Variants in C14orf132 observed in about 807,000 individuals in gnomAD.
The protein encoded by C14orf132 is chromosome 14 open reading frame 132.
A neutral mutation model predicts 5.8 loss-of-function variants in C14orf132; 6 were observed. That is an observed-to-expected ratio of 1.03 (90% CI 0.57 to 2.04). C14orf132 has a LOEUF of 2.04. Among genes scored for constraint, C14orf132 ranks in the 30% most tolerant of loss-of-function variants. The pLI, the probability that C14orf132 is intolerant of heterozygous loss-of-function variation, is 0.00. For synonymous variants in C14orf132, 51 were observed against 49.8 expected, an observed-to-expected ratio of 1.02 and a Z score of -0.10; for missense variants, 125 against 115.8, an observed-to-expected ratio of 1.08 and a Z score of -0.37.
chr14:96,092,215 G>T lies in C14orf132; in HGVS notation c.*5480G>T, dbSNP rs1398981432. The T allele has an allele frequency of 6.6e-6, 1 of 152,252 alleles. No homozygotes were observed. The highest frequency in any genetic ancestry group is 2.4e-5 in the African/African-American group (1 of 41,448). The allele number at this position is 152,252 out of a possible 1,614,324, so 9.4% of individuals were successfully genotyped here. On this transcript the variant is annotated 3_prime_UTR_variant, in exon 2 of 2. Coordinates refer to ENST00000555004, the MANE Select transcript of C14orf132 (RefSeq NM_001252507.3). ...CATTGGTCCTCGGAGAGGCTGCGTAGGTGGTGCGGTCCCCGGGGGATTCTG... is the reference window on the plus strand; with the variant it reads ...CATTGGTCCTCGGAGAGGCTGCGTATGTGGTGCGGTCCCCGGGGGATTCTG...
rs144443513 is a variant in C14orf132, at chr14:96,080,626, C to T, written c.28-5885C>T. On this transcript the variant is annotated intron_variant, in intron 1 of 1. Coordinates refer to ENST00000555004, the MANE Select transcript of C14orf132 (RefSeq NM_001252507.3). ...TGGAGCTTAGGGGAGATTTATATAACGGTCACCTCCTTAGTAGGAACAGGT... is the reference window on the plus strand; with the variant it reads ...TGGAGCTTAGGGGAGATTTATATAATGGTCACCTCCTTAGTAGGAACAGGT... 1.3e-3 allele frequency among the ~76,000 whole-genome samples: 192 copies of T among 152,298 alleles called. 1 individual carries two copies. Among genetic ancestry groups the T allele is most frequent in the African/African-American group, 4.0e-3 (168 of 41,564 alleles).
At chr14:96,069,183 A>ATATATATATATATGTATATATATATG (rs372630503) in intron 1 of C14orf132, among the ~76,000 whole-genome samples, 1 of 134,268 alleles carries the variant, frequency 7.4e-6, no homozygotes, top group Admixed American at 7.7e-5. Context: ...ATATATGTAT[A>ATATATATATATATGTATATATATATG]TATATATATA....
chr14:96,039,405 C>G lies in C14orf132; in HGVS notation c.-96C>G. ...GAGTGCGCCGTGCGGTCTCCGGACG[C>G]TCGCTGCTCAGCCCGATCCCCGCCA... On this transcript the variant is annotated 5_prime_UTR_variant, in exon 1 of 2. Transcript: ENST00000555004. The surrounding 1 kb of genome is among the most constrained non-coding windows in gnomAD (Gnocchi z 5.3). 1.6e-6 allele frequency: 2 copies of G among 1,286,166 alleles called. No individual in the cohort carries two copies. Among genetic ancestry groups the G allele is most frequent in the Non-Finnish European group, 2.0e-6 (2 of 982,590 alleles). 79.7% of individuals were successfully genotyped at this position (1,286,166 alleles called of 1,614,324 possible).
At chr14:96,064,453 T>C (rs1887469445) in intron 1 of C14orf132, among the ~76,000 whole-genome samples, 1 of 151,256 alleles carries the variant, frequency 6.6e-6, no homozygotes, top group Non-Finnish European at 1.5e-5. Context: ...TATATATGTG[T>C]ATATGTATGT....
At position 96,086,720 on chromosome 14, in the gene C14orf132, T is replaced by G. The variant is rs752606471; in HGVS notation, c.237T>G (p.Tyr79Ter). 1.3e-6 allele frequency: 2 copies of G among 1,536,112 alleles called. No homozygotes were observed. The highest frequency in any genetic ancestry group is 1.7e-6 in the Non-Finnish European group (2 of 1,146,896). Residue 79 changes from tyrosine (Y) to a stop codon, truncating the protein, a stop_gained, in exon 2 of 2, where the codon TAT (tyrosine) becomes TAG (stop). Coordinates refer to ENST00000555004, the MANE Select transcript of C14orf132 (RefSeq NM_001252507.3). LOFTEE classifies it high-confidence loss of function. The part of the protein sequence containing the change: ...LGNIVVVGVV[Y>*]AFTF ...ACATCGTGGTGGTGGGCGTGGTGTATGCCTTCACCTTCTGAGGACGGCACA... is the reference window on the plus strand; with the variant it reads ...ACATCGTGGTGGTGGGCGTGGTGTAGGCCTTCACCTTCTGAGGACGGCACA...
In C14orf132 at chr14:96,090,577, T is replaced by G. The variant is rs2093722; in HGVS notation, c.*3842T>G. ...CGCAGCTCTTCCTACTCCAAGCCAA[T>G]GCTGTCCTTCCCCTTTCCCATGAAA... On this transcript the variant is annotated 3_prime_UTR_variant, in exon 2 of 2. Transcript: ENST00000555004. The G allele has an allele frequency of 5.0e-5, 23 of 455,624 alleles. No individual in the cohort carries two copies. In the Admixed American group the frequency reaches 5.4e-4, roughly 11 times the overall value. 28.2% of individuals were successfully genotyped at this position (455,624 alleles called of 1,614,324 possible). A position where few individuals can be genotyped will look rare whatever the true frequency, so the allele number is the denominator to read the frequency against.
intron 1 of C14orf132, among the ~76,000 whole-genome samples, chr14:96,049,841 G>T (rs1366802267): frequency 5.4e-5 from 8 of 149,440 alleles, no homozygotes; most frequent in Non-Finnish European, 1.0e-4. Flanking sequence ...AGTTAACAAG[G>T]TTTTCTTCTG....
chr14:96,052,993 A>C (rs1232225590), intron 1 of C14orf132, among the ~76,000 whole-genome samples: 1 of 152,144 alleles, frequency 6.6e-6, no homozygotes, highest in Non-Finnish European at 1.5e-5. Flanking sequence ...CTCAGAGGTA[A>C]GGTGACCAAC....
At chr14:96,045,733 G>A (rs897497846) in intron 1 of C14orf132, among the ~76,000 whole-genome samples, 9 of 152,224 alleles carry the variant, frequency 5.9e-5, no homozygotes, top group Admixed American at 2.0e-4. Context: ...ATTTTTACCA[G>A]ACCTACCAAC....
At chr14:96,041,408 T>C (rs1886691530) in intron 1 of C14orf132, among the ~76,000 whole-genome samples, 2 of 152,224 alleles carry the variant, frequency 1.3e-5, no homozygotes, top group African/African-American at 2.4e-5. Flanking sequence ...TGGGCCTGAG[T>C]ATCTGCAAAG....
In C14orf132 at chr14:96,039,932, C is replaced by T. The variant is rs1397257447; in HGVS notation, c.27+405C>T. On this transcript the variant is annotated intron_variant, in intron 1 of 1. Coordinates refer to ENST00000555004, the MANE Select transcript of C14orf132 (RefSeq NM_001252507.3). This position sits in a 1 kb window ranked among gnomAD's most constrained non-coding sequence, Gnocchi z 5.3. ...ATGGGCACACAGTCTCGCCCTTCCC[C>T]ACTCTGTTTTCCCGAGGCGCCAGTA... 1.3e-5 allele frequency among the ~76,000 whole-genome samples: 2 copies of T among 152,210 alleles called. No individual in the cohort carries two copies. Among genetic ancestry groups the T allele is most frequent in the Admixed American group, 6.5e-5 (1 of 15,292 alleles).
Position 96,049,520 on chromosome 14 carries a change from A to G in C14orf132, c.27+9993A>G, listed in dbSNP as rs530218022. Among the ~76,000 whole-genome samples the G allele has an allele frequency of 1.4e-3, 203 of 144,298 alleles. 1 individual carries two copies. Among genetic ancestry groups the G allele is most frequent in the African/African-American group, 4.9e-3 (195 of 39,552 alleles). The allele number at this position is 144,298 out of a possible 152,430, so 94.7% of individuals were successfully genotyped here. A position where few individuals can be genotyped will look rare whatever the true frequency, so the allele number is the denominator to read the frequency against. ...TACGTATATATACGTATATACGTAT[A>G]TATATACACATATATACATACGTAT... is the stretch of plus-strand genomic sequence containing the variant. On this transcript the variant is annotated intron_variant, in intron 1 of 1. Coordinates refer to ENST00000555004, the MANE Select transcript of C14orf132 (RefSeq NM_001252507.3).
intron 1 of C14orf132, among the ~76,000 whole-genome samples, chr14:96,044,132 C>T (rs1304441186): frequency 6.6e-6 from 1 of 152,220 alleles, no homozygotes; most frequent in Non-Finnish European, 1.5e-5. Context: ...TCCTCTGATC[C>T]ATCCAGGCGG....
chr14:96,086,700 G>A lies in C14orf132; in HGVS notation c.217G>A (p.Val73Met), dbSNP rs1318629538. ...CATCATAGCTACGCTGGGGAACATC[G>A]TGGTGGTGGGCGTGGTGTATGCCTT... The part of the protein sequence containing the change: ...IAIIATLGNI[V>M]VVGVVYAFTF The change falls in exon 2 of 2, where the codon GTG (valine) becomes ATG (methionine). Residue 73 changes from valine (V) to methionine (M), a missense_variant. Val to Met is a conservative substitution (Grantham distance 21, BLOSUM62 1). Transcript: ENST00000555004. The A allele has an allele frequency of 7.2e-6, 11 of 1,536,032 alleles. No homozygotes were observed. The highest frequency in any genetic ancestry group is 1.4e-5 in the African/African-American group (1 of 73,056).
At position 96,091,112 on chromosome 14, in the gene C14orf132, C is replaced by CTTA. The variant is rs1888390620; in HGVS notation, c.*4377_*4378insTTA. The stretch of plus-strand genomic sequence containing the variant: ...GGAGAAAACTGAGGCCAGGGCTGAA[C>CTTA]GCTCACAGCTAAGGAGCTGTGATTC... On this transcript the variant is annotated 3_prime_UTR_variant, in exon 2 of 2. Coordinates refer to ENST00000555004, the MANE Select transcript of C14orf132 (RefSeq NM_001252507.3). 1 of 427,556 alleles carries CTTA rather than the reference C, an allele frequency of 2.3e-6. No homozygotes were observed. The highest frequency in any genetic ancestry group is 4.7e-6 in the Non-Finnish European group (1 of 213,000). 26.5% of individuals were successfully genotyped at this position (427,556 alleles called of 1,614,324 possible).
intron 1 of C14orf132, among the ~76,000 whole-genome samples, chr14:96,058,594 C>T (rs983139918): frequency 1.3e-5 from 2 of 152,140 alleles, no homozygotes; most frequent in African/African-American, 4.8e-5. Flanking sequence ...TTTTCCCACA[C>T]AGCCAGACAC....
At chr14:96,049,797 T>A (rs1405836984) in intron 1 of C14orf132, among the ~76,000 whole-genome samples, 34 of 149,932 alleles carry the variant, frequency 2.3e-4, no homozygotes, top group African/African-American at 8.1e-4. Context: ...TCTGTTTGTG[T>A]TTTATTTGGA....
chr14:96,062,057 A>G (rs1417545354), intron 1 of C14orf132, among the ~76,000 whole-genome samples: 1 of 152,136 alleles, frequency 6.6e-6, no homozygotes, highest in Non-Finnish European at 1.5e-5. Context: ...GAGTTAGTCA[A>G]ACTTTCTGAG....
chr14:96,048,107 G>A (rs1886883713), intron 1 of C14orf132, among the ~76,000 whole-genome samples: 1 of 152,202 alleles, frequency 6.6e-6, no homozygotes, highest in Non-Finnish European at 1.5e-5. Context: ...AGAATCGCTT[G>A]AACCTGGGAG....
Sources: gnomAD v4.1 joint callset for allele counts (sites outside exome capture counted in the v4.1 genomes callset) on GRCh38, gnomAD v4.1.1 for gene constraint, Gnocchi (gnomAD v3.1) non-coding constraint, MANE v1.5 for transcripts, NCBI Gene and HGNC (gene_info 2026-07-23, HGNC 2026-07-21) for gene names.